Variants in EML6 observed in about 807,000 individuals in gnomAD.
The protein encoded by EML6 is EMAP like 6, also known as echinoderm microtubule-associated protein-like 6.
A neutral mutation model predicts 240.1 loss-of-function variants in EML6; 154 were observed. The observed-to-expected ratio is 0.64, with a 90% confidence interval of 0.56 to 0.73. EML6 has a LOEUF of 0.73. EML6 is among the 30% of genes least tolerant of loss of function. The pLI is 0.00. For missense variants in EML6, 2,964 were observed against 2,474.6 expected, an observed-to-expected ratio of 1.20 and a Z score of -4.20; for synonymous variants, 1,148 against 899.0, an observed-to-expected ratio of 1.28 and a Z score of -4.95.
intron 28 of EML6, among the ~76,000 whole-genome samples, chr2:54,948,542 G>A (rs1245706483): frequency 6.6e-6 from 1 of 152,198 alleles, no homozygotes; most frequent in Non-Finnish European, 1.5e-5. Context: ...TCATGGTCAG[G>A]CTTCTCCTTG....
Position 54,866,904 on chromosome 2 carries a change from C to A in EML6, c.2051+20C>A. 7.1e-7 allele frequency: 1 copy of A among 1,415,666 alleles called. No individual in the cohort carries two copies. Among genetic ancestry groups the A allele is most frequent in the Non-Finnish European group, 9.8e-7 (1 of 1,023,726 alleles). 87.7% of individuals were successfully genotyped at this position (1,415,666 alleles called of 1,614,324 possible). On this transcript the variant is annotated intron_variant, in intron 14 of 41. Transcript: ENST00000356458. The stretch of plus-strand genomic sequence containing the variant: ...ACACGGGTGGGTGGCCTGTCATGGG[C>A]GCCCGTATGTGTTCCTCTGTCTCTG...
At chr2:54,730,174 A>T (rs898848361) in intron 2 of EML6, among the ~76,000 whole-genome samples, 10 of 152,194 alleles carry the variant, frequency 6.6e-5, no homozygotes, top group African/African-American at 2.4e-4. Context: ...TAAAAAAGAG[A>T]AATATCCACA....
intron 30 of EML6, 77 bp from the exon 31 acceptor site, chr2:54,952,517 T>C: frequency 2.4e-6 from 2 of 823,370 alleles, no homozygotes; most frequent in Non-Finnish European, 3.9e-6. Context: ...ATCCAATGGC[T>C]CCACGCGATG....
chr2:54,958,128 T>A, intron 33 of EML6, 130 bp downstream of exon 33: 1 of 743,322 alleles, frequency 1.3e-6, no homozygotes. Flanking sequence ...TTCGCTCCTG[T>A]ACTGGCTTAT....
rs3038252 is a variant in EML6 at position 54,841,586 on chromosome 2, CT to C, written c.848-2443del. 2.6e-3 allele frequency among the ~76,000 whole-genome samples: 304 copies of C among 118,880 alleles called. 1 individual carries two copies. The highest frequency in any genetic ancestry group is 4.4e-3 in the Admixed American group (50 of 11,266). 78.0% of individuals were successfully genotyped at this position (118,880 alleles called of 152,430 possible). ...CCAGCTGGTTTAGTATTTGTCTTGG[CT>C]TTTTTTTTTTTTTTTTTCTTTTGAG... On this transcript the variant is annotated intron_variant, in intron 7 of 41. Coordinates refer to ENST00000356458, the MANE Select transcript of EML6 (RefSeq NM_001039753.4).
Position 54,917,713 on chromosome 2 carries a change from A to C in EML6, c.3675+778A>C, listed in dbSNP as rs575725647. On this transcript the variant is annotated intron_variant, in intron 26 of 41. Transcript: ENST00000356458. ...TTCTGAACCATCATTAAACCATTCC[A>C]TTCCTCTAACAGCCGTCATCTGTAG... is the stretch of plus-strand genomic sequence containing the variant. 8.6e-5 allele frequency among the ~76,000 whole-genome samples: 13 copies of C among 151,972 alleles called. No homozygotes were observed. In the East Asian group the frequency reaches 2.5e-3, roughly 29 times the overall value.
Position 54,928,662 on chromosome 2 carries a change from C to A in EML6, c.3915C>A (p.Asp1305Glu). 1 of 1,552,112 alleles carries A rather than the reference C, an allele frequency of 6.4e-7. No homozygotes were observed. Among genetic ancestry groups the A allele is most frequent in the Non-Finnish European group, 8.7e-7 (1 of 1,147,076 alleles). The change falls in exon 28 of 42, where the codon GAC becomes GAA. Residue 1305 changes from aspartate to glutamate, a missense_variant. Coordinates refer to ENST00000356458, the MANE Select transcript of EML6 (RefSeq NM_001039753.4). ...DSDVAREKAI[D>E]YTTKIYAVSI... ...ATGTTGCTAGAGAAAAGGCCATTGACTACACCACCAAGATTTATGCTGTGA... is the reference window on the plus strand; with the variant it reads ...ATGTTGCTAGAGAAAAGGCCATTGAATACACCACCAAGATTTATGCTGTGA...
At chr2:54,855,226 CT>C (rs1670307862) in intron 11 of EML6, among the ~76,000 whole-genome samples, 1 of 152,074 alleles carries the variant, frequency 6.6e-6, no homozygotes. Flanking sequence ...CTAGCATTTG[CT>C]TGGCGTCTGG....
intron 17 of EML6, among the ~76,000 whole-genome samples, chr2:54,887,697 G>C (rs1672226422): frequency 1.3e-5 from 2 of 152,052 alleles, no homozygotes; most frequent in South Asian, 4.2e-4. Context: ...AACAGGTCCA[G>C]CTTTCTGTTT....
At chr2:54,864,637 C>A (rs1211384184) in intron 13 of EML6, among the ~76,000 whole-genome samples, 2 of 152,190 alleles carry the variant, frequency 1.3e-5, no homozygotes, top group South Asian at 2.1e-4. Context: ...ATTTCAGATA[C>A]ATGAACTGTA....
At chr2:54,748,757 C>T (rs1210050336) in intron 2 of EML6, among the ~76,000 whole-genome samples, 1 of 152,124 alleles carries the variant, frequency 6.6e-6, no homozygotes, top group Admixed American at 6.6e-5. Context: ...GAGACAGGGT[C>T]TTGCTTTGTT....
intron 18 of EML6, 127 bp from the exon 19 acceptor site, chr2:54,892,327 C>A: frequency 9.4e-6 from 6 of 637,964 alleles, no homozygotes; most frequent in Non-Finnish European, 1.7e-5. Context: ...TGTTCTCTGT[C>A]ACTTTTAGAC....
rs113365043 is a variant in EML6, at chr2:54,847,672, T to C, written c.1187+49T>C. ...TATTTAGAAATGCTCTCGTGTTAAA[T>C]GTTACAATTTTCCTGGTCATAATAC... On this transcript the variant is annotated intron_variant, in intron 9 of 41. Transcript: ENST00000356458. 15 of 1,541,830 alleles carry C rather than the reference T, an allele frequency of 9.7e-6. No individual in the cohort carries two copies. The African/African-American group carries it at 1.5e-4, about 16-fold the overall frequency.
intron 2 of EML6, among the ~76,000 whole-genome samples, chr2:54,812,271 C>CCAGT (rs1177617281): frequency 5.9e-5 from 9 of 151,922 alleles, no homozygotes; most frequent in African/African-American, 2.2e-4. Context: ...ACATGCAAAT[C>CCAGT]CAGTGTCTGA....
At position 54,968,737 on chromosome 2, in the gene EML6, T is replaced by C. The variant is rs1169652734; in HGVS notation, c.5821T>C (p.Tyr1941His). ...CATCCGTTTCTCTTATGATGACAAG[T>C]ATGTGGTCAGCACTGGAGGAGACGA... Reference protein sequence around the residue: ...TNIRFSYDDKYVVSTGGDDCS... With the variant: ...TNIRFSYDDKHVVSTGGDDCS... The change falls in exon 41 of 42, where the codon TAT becomes CAT. Residue 1941 changes from tyrosine to histidine, a missense_variant. By Grantham distance (83) the Tyr-to-His change is moderately conservative. Transcript: ENST00000356458. The C allele has an allele frequency of 1.3e-6, 2 of 1,549,386 alleles. No individual in the cohort carries two copies. The highest frequency in any genetic ancestry group is 2.4e-5 in the East Asian group (1 of 40,900).
At chr2:54,868,178 T>C (rs1671071061) in intron 14 of EML6, 1 of 152,222 alleles carries the variant, frequency 6.6e-6, no homozygotes, top group South Asian at 2.1e-4. Context: ...AATAAATTTT[T>C]TTTTCTAATA....
chr2:54,788,679 C>T (rs1411004747), intron 2 of EML6, among the ~76,000 whole-genome samples: 2 of 152,144 alleles, frequency 1.3e-5, no homozygotes, highest in Non-Finnish European at 2.9e-5. Flanking sequence ...AATAGAATGG[C>T]TTATCAGTCA....
Position 54,724,171 on chromosome 2 carries a change from G to C in EML6, c.-513-378G>C, listed in dbSNP as rs535230477. 1.5e-3 allele frequency among the ~76,000 whole-genome samples: 228 copies of C among 152,140 alleles called. 10 individuals carry two copies. In the South Asian group the frequency reaches 0.043, roughly 29 times the overall value. On this transcript the variant is annotated intron_variant, in intron 1 of 41. Transcript: ENST00000356458. The surrounding 1 kb of genome is among the most constrained non-coding windows in gnomAD (Gnocchi z 5.2). Reference sequence around the variant, plus strand: ...CGAGTAAGACAATCTTTCATGATGCGGATTGGAGTTGCTGATCAATGAGAG... The same window carrying C: ...CGAGTAAGACAATCTTTCATGATGCCGATTGGAGTTGCTGATCAATGAGAG...
At chr2:54,935,888 G>C (rs955022754) in intron 28 of EML6, among the ~76,000 whole-genome samples, 1 of 151,988 alleles carries the variant, frequency 6.6e-6, no homozygotes, top group Admixed American at 6.6e-5. Context: ...AAATTAGCTG[G>C]GAATGAAAAC....
Sources: gnomAD v4.1 joint callset for allele counts (sites outside exome capture counted in the v4.1 genomes callset) on GRCh38, gnomAD v4.1.1 for gene constraint, Gnocchi (gnomAD v3.1) non-coding constraint, MANE v1.5 for transcripts, NCBI Gene and HGNC (gene_info 2026-07-23, HGNC 2026-07-21) for gene names.